ABLIM1: variants seen among roughly 807,000 people sequenced by gnomAD.
ABLIM1 encodes the protein actin-binding LIM protein 1.
Under a neutral mutation model 107.0 loss-of-function variants are expected in ABLIM1, and 40 were observed. The observed-to-expected ratio is 0.37, with a 90% CI of 0.29 to 0.49. The LOEUF (loss-of-function observed/expected upper bound fraction) is 0.49, where lower values mean the gene tolerates loss of function less well. Among genes scored for constraint, ABLIM1 ranks in the 20% least tolerant of loss-of-function variants. The pLI is 0.97. For synonymous variants in ABLIM1, 357 were observed against 357.3 expected, an observed-to-expected ratio of 1.00 and a Z score of 0.01; for missense variants, 857 against 1,008.5, an observed-to-expected ratio of 0.85 and a Z score of 2.04.
intron 2 of ABLIM1, among the ~76,000 whole-genome samples, chr10:114,596,669 G>A (rs2497663): frequency 0.28 from 42,370 of 152,012 alleles, 7,372 homozygotes; most frequent in African/African-American, 0.49. Context: ...AAGTTATGGG[G>A]TCTGAAACTG....
At chr10:114,720,811 G>A (rs1047378417) in intron 1 of ABLIM1, among the ~76,000 whole-genome samples, 3 of 151,758 alleles carry the variant, frequency 2.0e-5, no homozygotes, top group South Asian at 2.1e-4. Context: ...CACCAAACAC[G>A]GTCCTTATGT....
At chr10:114,537,050 G>A (rs2066115816) in intron 6 of ABLIM1, among the ~76,000 whole-genome samples, 1 of 152,132 alleles carries the variant, frequency 6.6e-6, no homozygotes, top group African/African-American at 2.4e-5. Context: ...AGGTATAAAA[G>A]GGACACTGAG....
chr10:114,450,713 A>C (rs2061744373), intron 14 of ABLIM1, among the ~76,000 whole-genome samples: 1 of 152,202 alleles, frequency 6.6e-6, no homozygotes, highest in Non-Finnish European at 1.5e-5. Context: ...CAGTGCTGGG[A>C]TTACAGGTGT....
intron 2 of ABLIM1, among the ~76,000 whole-genome samples, chr10:114,580,656 A>T (rs1449977657): frequency 6.6e-6 from 1 of 152,224 alleles, no homozygotes; most frequent in East Asian, 1.9e-4. Flanking sequence ...TGACAAAGGC[A>T]TTACTCTTTT....
chr10:114,651,248 G>A (rs533644443), intron 1 of ABLIM1, among the ~76,000 whole-genome samples: 1 of 152,254 alleles, frequency 6.6e-6, no homozygotes, highest in African/African-American at 2.4e-5. Context: ...GTACTATAAT[G>A]GAATAAAAAT....
chr10:114,747,753 T>C (rs1029759795), intron 1 of ABLIM1, among the ~76,000 whole-genome samples: 4 of 152,344 alleles, frequency 2.6e-5, no homozygotes, highest in Non-Finnish European at 4.4e-5. Context: ...TTAAAAGCCA[T>C]TGAAGCCTGG....
At chr10:114,549,797 T>C (rs1446000101) in intron 4 of ABLIM1, among the ~76,000 whole-genome samples, 1 of 152,170 alleles carries the variant, frequency 6.6e-6, no homozygotes, top group Non-Finnish European at 1.5e-5. Flanking sequence ...ACGAGGCAGA[T>C]TTGTGCTCTG....
At chr10:114,764,992 G>A (rs1000950557) in intron 1 of ABLIM1, 2 of 152,384 alleles carry the variant, frequency 1.3e-5, no homozygotes, top group African/African-American at 4.8e-5. Context: ...ATGGGACTGA[G>A]GTAAGCAGCC....
At chr10:114,445,236 C>A in intron 16 of ABLIM1, 76 bp downstream of exon 16, 1 of 1,337,776 alleles carries the variant, frequency 7.5e-7, no homozygotes, top group Non-Finnish European at 1.1e-6. Flanking sequence ...ATGGTTTATA[C>A]ATAGTAGTCA....
intron 1 of ABLIM1, among the ~76,000 whole-genome samples, chr10:114,717,172 A>T (rs935144063): frequency 1.3e-5 from 2 of 152,192 alleles, no homozygotes; most frequent in African/African-American, 4.8e-5. Context: ...TTTTACCATT[A>T]TCATTTTTTA....
At chr10:114,520,199 C>T (rs1183333989) in intron 6 of ABLIM1, among the ~76,000 whole-genome samples, 1 of 152,196 alleles carries the variant, frequency 6.6e-6, no homozygotes, top group Non-Finnish European at 1.5e-5. Context: ...GAATTGGCTC[C>T]ATGGAGTCAC....
At chr10:114,500,476 T>C (rs1245015534) in intron 6 of ABLIM1, among the ~76,000 whole-genome samples, 3 of 151,924 alleles carry the variant, frequency 2.0e-5, no homozygotes, top group Non-Finnish European at 2.9e-5. Flanking sequence ...GCCCAGGAGT[T>C]TGAGACCAGC....
chr10:114,768,987 G>A (rs1259045788), upstream of ABLIM1, among the ~76,000 whole-genome samples: 1 of 151,822 alleles, frequency 6.6e-6, no homozygotes, highest in Non-Finnish European at 1.5e-5. Context: ...TAACTAAAAA[G>A]GTGGGATTCC....
chr10:114,719,019 G>A (rs1323737668), intron 1 of ABLIM1, among the ~76,000 whole-genome samples: 2 of 152,100 alleles, frequency 1.3e-5, no homozygotes, highest in Admixed American at 6.6e-5. Context: ...TTTTGTTCAT[G>A]TATGTACGTT....
intron 7 of ABLIM1, among the ~76,000 whole-genome samples, chr10:114,491,000 G>GTATATATATA: frequency 1.2e-5 from 1 of 81,918 alleles, no homozygotes; most frequent in African/African-American, 7.6e-5. Context: ...GTGTGTGTGT[G>GTATATATATA]TGTGTGTGTG....
intron 6 of ABLIM1, among the ~76,000 whole-genome samples, chr10:114,504,432 T>C (rs2060852454): frequency 6.6e-6 from 1 of 152,198 alleles, no homozygotes; most frequent in South Asian, 2.1e-4. Context: ...GAAATTACTT[T>C]AGTCGTTTGG....
intron 8 of ABLIM1, among the ~76,000 whole-genome samples, chr10:114,487,223 T>C (rs2058319359): frequency 6.6e-6 from 1 of 152,180 alleles, no homozygotes; most frequent in South Asian, 2.1e-4. Context: ...AGACAGTAAA[T>C]AGGGTGAAGT....
chr10:114,710,078 A>T (rs1279497055), intron 1 of ABLIM1, among the ~76,000 whole-genome samples: 3 of 152,184 alleles, frequency 2.0e-5, no homozygotes, highest in African/African-American at 7.2e-5. Flanking sequence ...CTATTCTTTG[A>T]AGTAAATGGT....
chr10:114,526,797 C>G, intron 6 of ABLIM1: 4 of 985,534 alleles, frequency 4.1e-6, no homozygotes, highest in Non-Finnish European at 4.8e-6. Context: ...GAGGCTCCCA[C>G]CTGCCTGGGT....
Sources: gnomAD v4.1 joint callset for allele counts (sites outside exome capture counted in the v4.1 genomes callset) on GRCh38, gnomAD v4.1.1 for gene constraint, MANE v1.5 for transcripts, NCBI Gene and HGNC (gene_info 2026-07-23, HGNC 2026-07-21) for gene names.